Variants in KIAA1210 observed in about 807,000 individuals in gnomAD.
KIAA1210 encodes acrosomal protein KIAA1210.
In KIAA1210, 48 loss-of-function variants were observed where a neutral mutation model predicts 78.9. The observed-to-expected ratio is 0.61, with a 90% confidence interval of 0.48 to 0.77. The LOEUF (loss-of-function observed/expected upper bound fraction) is 0.77, where lower values mean the gene tolerates loss of function less well. Among genes scored for constraint, KIAA1210 ranks in the 30% least tolerant of loss-of-function variants. KIAA1210 has a pLI of 0.00. For synonymous variants in KIAA1210, 406 were observed against 404.5 expected (o/e 1.00, Z -0.04); for missense variants, 1,108 against 1,100.0 (o/e 1.01, Z -0.10).
intron 2 of KIAA1210, among the ~76,000 whole-genome samples, chrX:119,143,971 T>C (rs1275464579): frequency 8.9e-6 from 1 of 112,658 alleles, no homozygotes; most frequent in Non-Finnish European, 1.9e-5. Context: ...CTTTCTACTA[T>C]ATGGTACCAA....
chrX:119,149,075 G>A (rs1929231714), intron 1 of KIAA1210, among the ~76,000 whole-genome samples: 1 of 108,849 alleles, frequency 9.2e-6, no homozygotes, highest in East Asian at 2.9e-4. Flanking sequence ...CAAGGTTTAC[G>A]GGGGAGCAGT....
At chrX:119,142,960 A>G (rs1929084750) in intron 2 of KIAA1210, among the ~76,000 whole-genome samples, 1 of 110,657 alleles carries the variant, frequency 9.0e-6, no homozygotes, top group Non-Finnish European at 1.9e-5. Flanking sequence ...CACCTTCAAC[A>G]CTGGGGATCA....
At chrX:119,150,585 C>A, upstream of KIAA1210, 2 of 1,196,981 alleles carry the variant, frequency 1.7e-6, no homozygotes, top group Non-Finnish European at 2.2e-6. Context: ...CTCATTTCCC[C>A]GCGTAGAGTT....
At chrX:119,102,651 G>A (rs886106675) in intron 6 of KIAA1210, among the ~76,000 whole-genome samples, 48 of 111,613 alleles carry the variant, frequency 4.3e-4, no homozygotes, top group African/African-American at 1.5e-3. Flanking sequence ...ATAAAAAGAG[G>A]CATACTTGTA....
At chrX:119,122,256 G>A (rs1319953564) in intron 2 of KIAA1210, among the ~76,000 whole-genome samples, 1 of 108,429 alleles carries the variant, frequency 9.2e-6, no homozygotes, top group Non-Finnish European at 1.9e-5. Context: ...TTTTAGTAGA[G>A]ACAGGGTTTC....
chrX:119,093,365 T>A (rs1290171761), intron 8 of KIAA1210, among the ~76,000 whole-genome samples: 1 of 112,517 alleles, frequency 8.9e-6, no homozygotes, highest in African/African-American at 3.2e-5. Context: ...AGCATGTACG[T>A]TAGCCTCGGA....
At chrX:119,112,327 A>G (rs192854787) in intron 3 of KIAA1210, among the ~76,000 whole-genome samples, 1 of 111,749 alleles carries the variant, frequency 8.9e-6, no homozygotes, top group East Asian at 2.8e-4. Flanking sequence ...AAGATGACCT[A>G]CGTAATGGAA....
chrX:119,129,134 A>T (rs1928725164), upstream of KIAA1210, among the ~76,000 whole-genome samples: 1 of 112,209 alleles, frequency 8.9e-6, no homozygotes, highest in Non-Finnish European at 1.9e-5. Context: ...CAGGACCCAG[A>T]ATAGTGCCTA....
At chrX:119,102,035 G>C (rs1431678762) in intron 6 of KIAA1210, among the ~76,000 whole-genome samples, 1 of 112,885 alleles carries the variant, frequency 8.9e-6, no homozygotes. Context: ...AATGTTAGCT[G>C]TCGTTGCTAT....
intron 7 of KIAA1210, among the ~76,000 whole-genome samples, chrX:119,095,367 G>A (rs955343345): frequency 9.0e-6 from 1 of 111,620 alleles, no homozygotes; most frequent in Non-Finnish European, 1.9e-5. Flanking sequence ...CTGACACATC[G>A]TTTTAAACAC....
At chrX:119,125,735 A>ATATATATATATATT (rs5903546) in intron 1 of KIAA1210, among the ~76,000 whole-genome samples, 6 of 15,792 alleles carry the variant, frequency 3.8e-4, no homozygotes, top group African/African-American at 5.2e-4. Context: ...ATATATATAT[A>ATATATATATATATT]TTTTTTTTTT....
intron 3 of KIAA1210, 136 bp downstream of exon 3, chrX:119,116,360 G>A: frequency 1.8e-6 from 1 of 567,224 alleles, no homozygotes; most frequent in Non-Finnish European, 2.8e-6. Flanking sequence ...TGACTGCATT[G>A]GCAATGGCTG....
chrX:119,113,624 C>T (rs1032978087), intron 3 of KIAA1210, among the ~76,000 whole-genome samples: 1 of 111,488 alleles, frequency 9.0e-6, no homozygotes, highest in African/African-American at 3.3e-5. Flanking sequence ...ATAGTGATAG[C>T]TGCACATGCT....
chrX:119,126,261 C>T (rs1224362070), intron 1 of KIAA1210, among the ~76,000 whole-genome samples: 3 of 110,530 alleles, frequency 2.7e-5, no homozygotes, highest in African/African-American at 9.9e-5. Context: ...CTAAGGAGAA[C>T]TTGAGAGTTC....
chrX:119,150,610 T>C (rs1929275571), upstream of KIAA1210: 1 of 1,166,373 alleles, frequency 8.6e-7, no homozygotes, highest in Admixed American at 2.4e-5. Context: ...TGTCTCTGTG[T>C]CCCCCGACCT....
At chrX:119,141,433 A>T (rs1381425781) in intron 2 of KIAA1210, among the ~76,000 whole-genome samples, 1 of 112,195 alleles carries the variant, frequency 8.9e-6, no homozygotes, top group Non-Finnish European at 1.9e-5. Context: ...GGACTTTCCC[A>T]GGTCCATATC....
intron 2 of KIAA1210, among the ~76,000 whole-genome samples, chrX:119,141,499 G>A (rs1929049934): frequency 8.9e-6 from 1 of 111,910 alleles, no homozygotes; most frequent in African/African-American, 3.3e-5. Context: ...TCCCTTATAT[G>A]TTATAGTAGA....
At chrX:119,136,533 TAAC>T (rs1301855848) in intron 2 of KIAA1210, among the ~76,000 whole-genome samples, 1 of 110,454 alleles carries the variant, frequency 9.1e-6, no homozygotes, top group East Asian at 2.8e-4. Flanking sequence ...CCCACAGAAA[TAAC>T]AATGCCATGG....
At chrX:119,109,019 G>A in intron 4 of KIAA1210, 57 bp downstream of exon 4, 5 of 1,173,765 alleles carry the variant, frequency 4.3e-6, no homozygotes, top group Non-Finnish European at 5.8e-6. Flanking sequence ...CAGGGTTAGA[G>A]TAGGGAACAG....
Sources: allele counts gnomAD v4.1 joint callset (sites outside exome capture counted in the v4.1 genomes callset), GRCh38; gene constraint gnomAD v4.1.1; transcripts MANE v1.5; gene names NCBI Gene and HGNC (gene_info 2026-07-23, HGNC 2026-07-21).